CYP51A1: variants seen among roughly 807,000 people sequenced by gnomAD.
CYP51A1 encodes the protein cytochrome P450 family 51 subfamily A member 1.
In CYP51A1, 45 loss-of-function variants were observed where a neutral mutation model predicts 53.5. The observed-to-expected ratio is 0.84, with a 90% confidence interval of 0.66 to 1.08. CYP51A1 has a LOEUF of 1.08. CYP51A1 is among the 50% of genes least tolerant of loss of function. CYP51A1 has a pLI of 0.00. For missense variants in CYP51A1, 462 were observed against 621.7 expected, an observed-to-expected ratio of 0.74 and a Z score of 2.73; for synonymous variants, 181 against 217.7, an observed-to-expected ratio of 0.83 and a Z score of 1.48.
chr7:92,127,117 T>C (rs1819816388), intron 4 of CYP51A1, among the ~76,000 whole-genome samples: 1 of 152,244 alleles, frequency 6.6e-6, no homozygotes, highest in South Asian at 2.1e-4. Flanking sequence ...TTCTAATTTA[T>C]ACATCAGTTT....
chr7:92,114,060 C>G (rs913693443), intron 9 of CYP51A1, among the ~76,000 whole-genome samples: 1 of 152,098 alleles, frequency 6.6e-6, no homozygotes, highest in African/African-American at 2.4e-5. Context: ...GATCACATAA[C>G]TTTTCCAATT....
rs551935774 is a variant in CYP51A1, at chr7:92,113,506, A to C, written c.*159T>G. Reference sequence around the variant, plus strand: ...TTCAAATGCTATTATATTTGATAGAACCATTCAGTTAACAAAATCCTAAAT... The same window carrying C: ...TTCAAATGCTATTATATTTGATAGACCCATTCAGTTAACAAAATCCTAAAT... On this transcript the variant is annotated 3_prime_UTR_variant, in exon 10 of 10. Transcript: ENST00000003100. 2 of 628,090 alleles carry C rather than the reference A, an allele frequency of 3.2e-6. No individual in the cohort carries two copies. The highest frequency in any genetic ancestry group is 2.9e-5 in the East Asian group (1 of 34,166). 38.9% of individuals were successfully genotyped at this position (628,090 alleles called of 1,614,324 possible). A position where few individuals can be genotyped will look rare whatever the true frequency, so the allele number is the denominator to read the frequency against.
intron 8 of CYP51A1, among the ~76,000 whole-genome samples, chr7:92,118,229 C>T (rs1819618449): frequency 6.6e-6 from 1 of 151,984 alleles, no homozygotes; most frequent in Non-Finnish European, 1.5e-5. Context: ...TCATGGATTA[C>T]TGCAGTTTCA....
At position 92,134,456 on chromosome 7, in the gene CYP51A1, G is replaced by T; in HGVS notation, c.-92C>A. On this transcript the variant is annotated 5_prime_UTR_variant, in exon 1 of 10. Coordinates refer to ENST00000003100, the MANE Select transcript of CYP51A1 (RefSeq NM_000786.4). ...GCTGGCAGATGGTCGTCCACAGGGG[G>T]CCTTGCCCCAGGTCTCCTACTAAAC... 2 of 1,371,934 alleles carry T rather than the reference G, an allele frequency of 1.5e-6. No individual in the cohort carries two copies. Among genetic ancestry groups the T allele is most frequent in the Non-Finnish European group, 1.9e-6 (2 of 1,026,970 alleles). 85.0% of individuals were successfully genotyped at this position (1,371,934 alleles called of 1,614,324 possible).
Position 92,123,293 on chromosome 7 carries a change from C to A in CYP51A1, c.913G>T (p.Asp305Tyr), listed in dbSNP as rs1391354092. The change falls in exon 7 of 10, where the codon GAT becomes TAT. Residue 305 changes from aspartate (D) to tyrosine (Y), a missense_variant. By Grantham distance (160) the Asp-to-Tyr change is radical. Transcript: ENST00000003100. Reference sequence around the variant, plus strand: ...CCAATAAGCATCCCTGCTACTTCATCATCAGTCAAAGGACGCCCATCCCTA... The same window carrying A: ...CCAATAAGCATCCCTGCTACTTCATAATCAGTCAAAGGACGCCCATCCCTA... ...TYKDGRPLTD[D>Y]EVAGMLIGLL... The A allele has an allele frequency of 6.2e-7, 1 of 1,613,756 alleles. No homozygotes were observed. Among genetic ancestry groups the A allele is most frequent in the Admixed American group, 1.7e-5 (1 of 59,968 alleles).
At chr7:92,128,315 A>G (rs1584637139) in intron 3 of CYP51A1, among the ~76,000 whole-genome samples, 2 of 152,182 alleles carry the variant, frequency 1.3e-5, no homozygotes, top group African/African-American at 4.8e-5. Context: ...ATATAAAACT[A>G]AATACCCATT....
intron 2 of CYP51A1, among the ~76,000 whole-genome samples, chr7:92,130,565 T>C (rs545123816): frequency 1.3e-5 from 2 of 152,302 alleles, no homozygotes; most frequent in African/African-American, 2.4e-5. Context: ...GGAGCTTCAG[T>C]GAGATGATCT....
At chr7:92,126,107 T>C in intron 5 of CYP51A1, 146 bp downstream of exon 5, 1 of 540,512 alleles carries the variant, frequency 1.9e-6, no homozygotes, top group Non-Finnish European at 3.1e-6. Context: ...TGTCTTGAAT[T>C]CTTATAGAAG....
At position 92,117,063 on chromosome 7, in the gene CYP51A1, G is replaced by A; in HGVS notation, c.1332C>T (p.Ala444=). ...TCTTACCAGCTCCAAATGGCACATA[G>A]GCAAACTTTTCCCCTGATGCTGGGT... ...QDNPASGEKF[A]YVPFGAGRHR... The change falls in exon 9 of 10, where the codon GCC becomes GCT. Residue 444 remains alanine, a synonymous_variant. Transcript: ENST00000003100. 1.9e-6 allele frequency: 3 copies of A among 1,612,588 alleles called. No homozygotes were observed. The highest frequency in any genetic ancestry group is 2.5e-6 in the Non-Finnish European group (3 of 1,179,538).
intron 7 of CYP51A1, among the ~76,000 whole-genome samples, chr7:92,119,954 G>A (rs1469046101): frequency 6.6e-6 from 1 of 152,094 alleles, no homozygotes; most frequent in Non-Finnish European, 1.5e-5. Flanking sequence ...TGAGAAGTAT[G>A]AGAACTGAAA....
In CYP51A1 at chr7:92,131,858, G is replaced by C. The variant is rs774551272; in HGVS notation, c.207C>G (p.Tyr69Ter). Residue 69 changes from tyrosine (Y) to a stop codon, truncating the protein, a stop_gained, in exon 2 of 10, where the codon TAC becomes TAG. Coordinates refer to ENST00000003100, the MANE Select transcript of CYP51A1 (RefSeq NM_000786.4). LOFTEE classifies it high-confidence loss of function. ...CAAGGAATGGAATTGGGGAGAAAAT[G>C]TATGGAGGACTTTTCTACAAGAGAA... ...QLPAGVKSPPYIFSPIPFLGH... is the reference protein window; with the variant it reads ...QLPAGVKSPP The C allele has an allele frequency of 1.9e-6, 3 of 1,585,600 alleles. No individual in the cohort carries two copies. The Admixed American group carries it at 5.0e-5, about 27-fold the overall frequency.
Position 92,113,527 on chromosome 7 carries a change from TA to T in CYP51A1, c.*137del. ...TAGAACCATTCAGTTAACAAAATCC[TA>T]AATCATAAACTGGCTTTTAGAATTA... is the stretch of plus-strand genomic sequence containing the variant. On this transcript the variant is annotated 3_prime_UTR_variant, in exon 10 of 10. Transcript: ENST00000003100. The T allele has an allele frequency of 2.6e-6, 2 of 756,352 alleles. No individual in the cohort carries two copies. Among genetic ancestry groups the T allele is most frequent in the Non-Finnish European group, 4.3e-6 (2 of 469,984 alleles). 46.9% of individuals were successfully genotyped at this position (756,352 alleles called of 1,614,324 possible).
chr7:92,133,960 C>T (rs996639243), intron 1 of CYP51A1, among the ~76,000 whole-genome samples: 34 of 152,198 alleles, frequency 2.2e-4, no homozygotes, highest in Non-Finnish European at 4.3e-4. Context: ...ATGGCGGGTG[C>T]TACAGCCAGC....
rs1169148233 is a variant in CYP51A1 at position 92,112,737 on chromosome 7, G to A, written c.*928C>T. The A allele has an allele frequency of 6.6e-6, 1 of 150,846 alleles. No individual in the cohort carries two copies. The highest frequency in any genetic ancestry group is 1.5e-5 in the Non-Finnish European group (1 of 67,944). 9.3% of individuals were successfully genotyped at this position (150,846 alleles called of 1,614,324 possible). On this transcript the variant is annotated 3_prime_UTR_variant, in exon 10 of 10. Coordinates refer to ENST00000003100, the MANE Select transcript of CYP51A1 (RefSeq NM_000786.4). ...CCCAACTACTTGGGAGGCTGAGGCA[G>A]AGAATTGCTTGAACCCGGGAGGCAG...
At chr7:92,121,964 T>C (rs75630808) in intron 7 of CYP51A1, among the ~76,000 whole-genome samples, 1 of 152,208 alleles carries the variant, frequency 6.6e-6, no homozygotes, top group African/African-American at 2.4e-5. Flanking sequence ...ATTTATGCTA[T>C]GTAAATATAT....
rs759096746 is a variant in CYP51A1 at position 92,126,264 on chromosome 7, C to T, written c.759G>A (p.Leu253=). Residue 253 remains leucine, a synonymous_variant, in exon 5 of 10, where the codon TTG becomes TTA. Transcript: ENST00000003100. ...AAWLLPGWLP[L]PSFRRRDRAH... is the part of the protein sequence containing the mutation. ...TTCTTTATCCATACCTGAAACTAGG[C>T]AAAGGCAGCCAACCTGGTAAGAGCC... 5.0e-6 allele frequency: 8 copies of T among 1,600,596 alleles called. No individual in the cohort carries two copies. In the African/African-American group the frequency reaches 9.4e-5, roughly 19 times the overall value.
chr7:92,122,831 A>G (rs774748479), intron 7 of CYP51A1, among the ~76,000 whole-genome samples: 1 of 152,216 alleles, frequency 6.6e-6, no homozygotes, highest in Non-Finnish European at 1.5e-5. Context: ...ACATGCACAT[A>G]ATATCCTCTA....
chr7:92,117,259 T>C (rs1819597185), intron 8 of CYP51A1, 47 bp from the exon 9 acceptor site: 1 of 1,522,992 alleles, frequency 6.6e-7, no homozygotes. Flanking sequence ...AAAAATGTGC[T>C]GACAAATAAT....
chr7:92,133,052 TA>T lies in CYP51A1; in HGVS notation c.192+1120del, dbSNP rs564484029. Among the ~76,000 whole-genome samples the T allele has an allele frequency of 2.1e-3, 324 of 152,138 alleles. 1 individual carries two copies. Among genetic ancestry groups the T allele is most frequent in the African/African-American group, 7.3e-3 (302 of 41,506 alleles). ...AAAGATCCCATGTGTAGGAAAAAAA[TA>T]AATAAATAAATAACTCTTTCTTATG... On this transcript the variant is annotated intron_variant, in intron 1 of 9. Transcript: ENST00000003100.
Sources: allele counts gnomAD v4.1 joint callset (sites outside exome capture counted in the v4.1 genomes callset), GRCh38; gene constraint gnomAD v4.1.1; transcripts MANE v1.5; gene names NCBI Gene and HGNC (gene_info 2026-07-23, HGNC 2026-07-21).